MBD5: variants seen among roughly 807,000 people sequenced by gnomAD.
MBD5 encodes the protein methyl-CpG-binding domain protein 5.
Under a neutral mutation model 117.3 loss-of-function variants are expected in MBD5, and 13 were observed. That is an observed-to-expected ratio of 0.11 (90% CI 0.07 to 0.18). The LOEUF (loss-of-function observed/expected upper bound fraction) is 0.18. Among genes scored for constraint, MBD5 ranks in the 10% least tolerant of loss-of-function variants. MBD5 has a pLI of 1.00. For missense variants in MBD5, 1,879 were observed against 2,093.8 expected (o/e 0.90, Z 2.00); for synonymous variants, 727 against 766.4 (o/e 0.95, Z 0.85).
At chr2:148,402,686 C>T (rs1242346989) in intron 4 of MBD5, among the ~76,000 whole-genome samples, 2 of 152,002 alleles carry the variant, frequency 1.3e-5, no homozygotes, top group Non-Finnish European at 2.9e-5. Context: ...TTATTCTTGC[C>T]GTTACATAAA....
At chr2:148,208,262 A>G (rs1302981101) in intron 2 of MBD5, among the ~76,000 whole-genome samples, 1 of 151,732 alleles carries the variant, frequency 6.6e-6, no homozygotes, top group Non-Finnish European at 1.5e-5. Flanking sequence ...ATTTCATTTT[A>G]TTTTTTGAAA....
At chr2:148,102,688 G>C (rs532501395) in intron 1 of MBD5, among the ~76,000 whole-genome samples, 296 of 146,250 alleles carry the variant, frequency 2.0e-3, no homozygotes, top group African/African-American at 7.0e-3. Flanking sequence ...CACACACAGA[G>C]AGAGAGAGAG....
At position 148,337,722 on chromosome 2, in the gene MBD5, G is replaced by T. The variant is rs565195306; in HGVS notation, c.-679-4492G>T. Among the ~76,000 whole-genome samples the T allele has an allele frequency of 1.2e-4, 19 of 152,102 alleles. 1 individual carries two copies. In the East Asian group the frequency reaches 3.7e-3, roughly 29 times the overall value. ...ATAATTATAAAGCATTTGTAATTTGGCTTCTTCACTCTTGCTAATGTCCAG... is the reference window on the plus strand; with the variant it reads ...ATAATTATAAAGCATTTGTAATTTGTCTTCTTCACTCTTGCTAATGTCCAG... On this transcript the variant is annotated intron_variant, in intron 3 of 13. Transcript: ENST00000642680.
chr2:148,035,368 T>C (rs572410182), intron 1 of MBD5, among the ~76,000 whole-genome samples: 1 of 152,284 alleles, frequency 6.6e-6, no homozygotes, highest in South Asian at 2.1e-4. Context: ...TAAAAATTTT[T>C]TCTTTTTTTA....
At chr2:148,426,287 A>C (rs1232174444) in intron 4 of MBD5, among the ~76,000 whole-genome samples, 7 of 152,230 alleles carry the variant, frequency 4.6e-5, no homozygotes. Flanking sequence ...TCTTCACAGA[A>C]TTGGAAAAAA....
Position 148,357,205 on chromosome 2 carries a change from CCTAA to C in MBD5, c.-557+14872_-557+14875del, listed in dbSNP as rs1340389579. 2.0e-5 allele frequency among the ~76,000 whole-genome samples: 3 copies of C among 152,254 alleles called. No individual in the cohort carries two copies. The East Asian group carries it at 5.8e-4, about 29-fold the overall frequency. On this transcript the variant is annotated intron_variant, in intron 4 of 13. Transcript: ENST00000642680. Reference sequence around the variant, plus strand: ...TAAAATTGACATTTTGTACCACTTTCCTAACTGTTTTTTATAATAGTCTTCACAA... The same window carrying C: ...TAAAATTGACATTTTGTACCACTTTCCTGTTTTTTATAATAGTCTTCACAA...
intron 1 of MBD5, among the ~76,000 whole-genome samples, chr2:148,049,876 T>G (rs1233531395): frequency 6.6e-6 from 1 of 152,216 alleles, no homozygotes; most frequent in Non-Finnish European, 1.5e-5. Flanking sequence ...TATGCTAATG[T>G]GCATCAGTAC....
chr2:148,202,260 A>C (rs2105962414), intron 2 of MBD5, among the ~76,000 whole-genome samples: 2 of 152,358 alleles, frequency 1.3e-5, no homozygotes, highest in Admixed American at 1.3e-4. Flanking sequence ...CATGGTAAAT[A>C]GATAGAAGGT....
At chr2:148,368,097 C>T (rs1208267252) in intron 4 of MBD5, among the ~76,000 whole-genome samples, 2 of 152,168 alleles carry the variant, frequency 1.3e-5, no homozygotes, top group East Asian at 1.9e-4. Flanking sequence ...CAGTGATAGA[C>T]TGGATTAAGA....
chr2:148,221,200 A>G (rs529925246), intron 2 of MBD5, among the ~76,000 whole-genome samples: 16 of 152,124 alleles, frequency 1.1e-4, no homozygotes, highest in African/African-American at 3.6e-4. Flanking sequence ...GTTGCTTCCA[A>G]ATTTTGGCTA....
At position 148,502,426 on chromosome 2, in the gene MBD5, C is replaced by T. The variant is rs201439677; in HGVS notation, c.4963-10C>T. On this transcript the variant is annotated splice_polypyrimidine_tract_variant and intron_variant, in intron 11 of 13. Coordinates refer to ENST00000642680, the MANE Select transcript of MBD5 (RefSeq NM_001378120.1). ...GGGTAATGTGGTTTGGTCTTCATAC[C>T]TTCACTCAGGTGGAGCCCGAGAAGT... 23 of 1,613,610 alleles carry T rather than the reference C, an allele frequency of 1.4e-5. No homozygotes were observed. In the African/African-American group the frequency reaches 2.8e-4, roughly 20 times the overall value.
At position 148,380,257 on chromosome 2, in the gene MBD5, C is replaced by T. The variant is rs148579698; in HGVS notation, c.-557+37921C>T. ...CAATTAAATTAAAGGAAGAAAATGA[C>T]AAATTCAGCAGTATAATAAATCTTA... On this transcript the variant is annotated intron_variant, in intron 4 of 13. Transcript: ENST00000642680. Among the ~76,000 whole-genome samples, 47 of 152,184 alleles carry T rather than the reference C, an allele frequency of 3.1e-4. No individual in the cohort carries two copies. The East Asian group carries it at 8.7e-3, about 28-fold the overall frequency.
chr2:148,133,594 C>T (rs776448852), intron 1 of MBD5, among the ~76,000 whole-genome samples: 5 of 152,178 alleles, frequency 3.3e-5, no homozygotes, highest in Non-Finnish European at 5.9e-5. Context: ...GAAGCCAAGG[C>T]GGGTGGATCA....
intron 3 of MBD5, among the ~76,000 whole-genome samples, chr2:148,325,611 G>C (rs1273938061): frequency 3.9e-5 from 6 of 152,154 alleles, no homozygotes; most frequent in Non-Finnish European, 7.4e-5. Context: ...AGATTTTCTA[G>C]TATATTTGCG....
rs1681152318 is a variant in MBD5, at chr2:148,481,515, A to G, written c.2519-1595A>G. On this transcript the variant is annotated intron_variant, in intron 8 of 13. Coordinates refer to ENST00000642680, the MANE Select transcript of MBD5 (RefSeq NM_001378120.1). Reference sequence around the variant, plus strand: ...TGACACTGGTGTTGTTCATTATGCCATATATGTGTTTAGTATTTTTAAATA... The same window carrying G: ...TGACACTGGTGTTGTTCATTATGCCGTATATGTGTTTAGTATTTTTAAATA... Among the ~76,000 whole-genome samples the G allele has an allele frequency of 2.0e-5, 3 of 152,204 alleles. No homozygotes were observed. The South Asian group carries it at 6.2e-4, about 31-fold the overall frequency.
chr2:148,363,328 G>A (rs1703596637), intron 4 of MBD5, among the ~76,000 whole-genome samples: 2 of 152,288 alleles, frequency 1.3e-5, no homozygotes, highest in South Asian at 4.1e-4. Context: ...CACCTCCTGG[G>A]TTCACACCAT....
At chr2:148,237,651 A>C (rs1467640644) in intron 3 of MBD5, among the ~76,000 whole-genome samples, 1 of 152,204 alleles carries the variant, frequency 6.6e-6, no homozygotes, top group Admixed American at 6.5e-5. Flanking sequence ...AAAAGTTTGA[A>C]ATATTGTGAC....
chr2:148,161,863 G>T (rs953264230), intron 1 of MBD5, among the ~76,000 whole-genome samples: 2 of 152,294 alleles, frequency 1.3e-5, no homozygotes, highest in Middle Eastern at 3.4e-3. Context: ...GCTATTGTTA[G>T]TGTATTTTCA....
intron 3 of MBD5, among the ~76,000 whole-genome samples, chr2:148,286,817 G>T (rs752470033): frequency 6.6e-6 from 1 of 152,026 alleles, no homozygotes; most frequent in African/African-American, 2.4e-5. Context: ...GAAGATTTAC[G>T]GTAAATAGTA....
Sources: allele counts gnomAD v4.1 joint callset (sites outside exome capture counted in the v4.1 genomes callset), GRCh38; gene constraint gnomAD v4.1.1; transcripts MANE v1.5; gene names NCBI Gene and HGNC (gene_info 2026-07-23, HGNC 2026-07-21).